Variants in CSMD1 observed in about 807,000 individuals in gnomAD.
The protein encoded by CSMD1 is CUB and sushi domain-containing protein 1.
In CSMD1, 213 loss-of-function variants were observed where a neutral mutation model predicts 417.5. The ratio of observed to expected loss-of-function variants is 0.51; its 90% confidence interval spans 0.46 to 0.57. The LOEUF (loss-of-function observed/expected upper bound fraction) is 0.57, where lower values mean the gene tolerates loss of function less well. CSMD1 is among the 20% of genes least tolerant of loss of function. The probability of loss-of-function intolerance (pLI) is 0.00; values close to 1 mark genes in which losing one functional copy is unlikely to be tolerated. For synonymous variants in CSMD1, 2,862 were observed against 1,736.8 expected (o/e 1.65, Z -16.11); for missense variants, 6,923 against 4,529.7 (o/e 1.53, Z -15.17).
intron 49 of CSMD1, among the ~76,000 whole-genome samples, chr8:3,065,240 A>T (rs1303919323): frequency 6.6e-6 from 1 of 152,182 alleles, no homozygotes; most frequent in Non-Finnish European, 1.5e-5. Context: ...GAGTAGATAG[A>T]AAGATAGGAA....
chr8:3,677,298 T>A (rs148914375), intron 7 of CSMD1, among the ~76,000 whole-genome samples: 9 of 152,318 alleles, frequency 5.9e-5, no homozygotes, highest in Middle Eastern at 3.4e-3. Context: ...CAACTAATGA[T>A]TGATGTAACA....
chr8:4,189,352 A>C (rs1024615309), intron 3 of CSMD1, among the ~76,000 whole-genome samples: 2 of 152,240 alleles, frequency 1.3e-5, no homozygotes, highest in African/African-American at 4.8e-5. Flanking sequence ...AGGAATAATG[A>C]TAATAAATAA....
intron 68 of CSMD1, 102 bp downstream of exon 68, chr8:2,949,196 TG>T: frequency 1.5e-6 from 1 of 655,898 alleles, no homozygotes; most frequent in Non-Finnish European, 2.7e-6. Context: ...TCATTATTTT[TG>T]TTTAGGTTTC....
At chr8:4,169,098 T>C (rs1382978014) in intron 3 of CSMD1, among the ~76,000 whole-genome samples, 1 of 152,216 alleles carries the variant, frequency 6.6e-6, no homozygotes, top group Non-Finnish European at 1.5e-5. Context: ...GGCTTAGTCC[T>C]TGAACCTCTT....
intron 5 of CSMD1, among the ~76,000 whole-genome samples, chr8:3,958,624 G>T (rs1812126805): frequency 6.6e-6 from 1 of 151,952 alleles, no homozygotes; most frequent in Admixed American, 6.6e-5. Flanking sequence ...TTTAAATGAG[G>T]TCCACCACAT....
intron 5 of CSMD1, among the ~76,000 whole-genome samples, chr8:3,883,339 TA>T (rs1241718138): frequency 3.3e-5 from 5 of 152,118 alleles, no homozygotes; most frequent in African/African-American, 1.2e-4. Flanking sequence ...TCCTGGACAC[TA>T]AAAAAGTCAA....
At position 3,407,018 on chromosome 8, in the gene CSMD1, G is replaced by T. The variant is rs77017531; in HGVS notation, c.2072-797C>A. ...GGGTGGGTGGATGGTTGTATAGATG[G>T]GAGGAAGAATAGAAGGAAGAAAGGA... On this transcript the variant is annotated intron_variant, in intron 14 of 69. Transcript: ENST00000635120. Among the ~76,000 whole-genome samples, 256 of 152,204 alleles carry T rather than the reference G, an allele frequency of 1.7e-3. 2 individuals carry two copies. The highest frequency in any genetic ancestry group is 5.7e-3 in the African/African-American group (236 of 41,528).
intron 2 of CSMD1, among the ~76,000 whole-genome samples, chr8:4,588,476 T>G (rs1441226532): frequency 2.0e-5 from 3 of 151,578 alleles, no homozygotes; most frequent in Non-Finnish European, 4.4e-5. Context: ...GAAACAGTGG[T>G]CTGATGTTTT....
chr8:4,258,815 C>G (rs1387283111), intron 3 of CSMD1, among the ~76,000 whole-genome samples: 1 of 152,094 alleles, frequency 6.6e-6, no homozygotes, highest in South Asian at 2.1e-4. Context: ...AAGGGCACAG[C>G]AGCAGAAAGA....
rs564062379 is a variant in CSMD1, at chr8:3,533,943, C to A, written c.1345-40217G>T. 3.8e-4 allele frequency among the ~76,000 whole-genome samples: 58 copies of A among 152,266 alleles called. 1 individual carries two copies. Among genetic ancestry groups the A allele is most frequent in the Middle Eastern group, 6.8e-3 (2 of 294 alleles). The stretch of plus-strand genomic sequence containing the variant: ...TTGGTCCACCAATCACATGAACTCT[C>A]TAAGGATAAGAGGGCACATGAAACA... On this transcript the variant is annotated intron_variant, in intron 10 of 69. Transcript: ENST00000635120.
intron 2 of CSMD1, among the ~76,000 whole-genome samples, chr8:4,610,849 G>A (rs1366432818): frequency 4.6e-5 from 7 of 152,112 alleles, no homozygotes; most frequent in South Asian, 2.1e-4. Flanking sequence ...CATGTGTGGC[G>A]AAAACCTTAT....
intron 1 of CSMD1, among the ~76,000 whole-genome samples, chr8:4,870,124 T>G (rs1024179876): frequency 6.6e-6 from 1 of 152,128 alleles, no homozygotes; most frequent in Non-Finnish European, 1.5e-5. Context: ...TTATATTCAG[T>G]TAATCTAATT....
intron 26 of CSMD1, among the ~76,000 whole-genome samples, chr8:3,231,547 T>A (rs1265777927): frequency 6.6e-6 from 1 of 152,148 alleles, no homozygotes. Flanking sequence ...ATAAATGGAA[T>A]AATAAAATCC....
intron 39 of CSMD1, among the ~76,000 whole-genome samples, chr8:3,153,360 T>C (rs113142682): frequency 0.065 from 9,822 of 152,246 alleles, 766 homozygotes; most frequent in African/African-American, 0.19. Flanking sequence ...GCTCTGTCTA[T>C]GGAGTAACCA....
At chr8:3,501,003 C>G (rs1796577317) in intron 10 of CSMD1, among the ~76,000 whole-genome samples, 1 of 152,062 alleles carries the variant, frequency 6.6e-6, no homozygotes, top group Non-Finnish European at 1.5e-5. Flanking sequence ...ATTGTTGCTA[C>G]TTTGATTCAA....
intron 2 of CSMD1, among the ~76,000 whole-genome samples, chr8:4,523,202 T>C (rs2130409104): frequency 6.6e-6 from 1 of 152,306 alleles, no homozygotes; most frequent in Admixed American, 6.5e-5. Context: ...CCTTAATACT[T>C]GACATGTTCA....
chr8:3,910,589 G>A (rs1234476702), intron 5 of CSMD1, among the ~76,000 whole-genome samples: 1 of 152,038 alleles, frequency 6.6e-6, no homozygotes, highest in Non-Finnish European at 1.5e-5. Context: ...ATTATTTTTG[G>A]GTTCTAACAC....
chr8:4,702,241 T>C (rs970772253), intron 1 of CSMD1, among the ~76,000 whole-genome samples: 2 of 152,136 alleles, frequency 1.3e-5, no homozygotes, highest in Admixed American at 6.5e-5. Context: ...CCTGTGCATG[T>C]ACCCAATAAC....
intron 26 of CSMD1, among the ~76,000 whole-genome samples, chr8:3,244,330 G>C: frequency 6.6e-6 from 1 of 152,154 alleles, no homozygotes; most frequent in East Asian, 1.9e-4. Flanking sequence ...TAGGAATCAG[G>C]CAGTCACTCC....
Sources: allele counts gnomAD v4.1 joint callset (sites outside exome capture counted in the v4.1 genomes callset), GRCh38; gene constraint gnomAD v4.1.1; transcripts MANE v1.5; gene names NCBI Gene and HGNC (gene_info 2026-07-23, HGNC 2026-07-21).